Variants in SETX observed in about 807,000 individuals in gnomAD.
SETX encodes senataxin.
Under a neutral mutation model 227.2 loss-of-function variants are expected in SETX, and 90 were observed. That is an observed-to-expected ratio of 0.40 (90% CI 0.33 to 0.47). SETX has a LOEUF of 0.47. SETX is among the 20% of genes least tolerant of loss of function. The probability of loss-of-function intolerance (pLI) is 0.91; values close to 1 mark genes in which losing one functional copy is unlikely to be tolerated. For missense variants in SETX, 3,052 were observed against 3,181.5 expected (o/e 0.96, Z 0.98); for synonymous variants, 1,210 against 1,113.2 (o/e 1.09, Z -1.73).
intron 22 of SETX, among the ~76,000 whole-genome samples, chr9:132,276,618 TAC>T (rs1176760976): frequency 1.3e-5 from 2 of 152,250 alleles, no homozygotes; most frequent in Admixed American, 1.3e-4. Context: ...TGCTGTCATA[TAC>T]AGACCACCTG....
chr9:132,347,198 G>A (rs1004082939), intron 3 of SETX, among the ~76,000 whole-genome samples: 28 of 151,938 alleles, frequency 1.8e-4, no homozygotes, highest in Non-Finnish European at 4.0e-4. Flanking sequence ...GTTGCAGTGA[G>A]CCAAGATCAC....
chr9:132,307,383 A>G (rs1409070780), intron 11 of SETX, among the ~76,000 whole-genome samples: 1 of 151,988 alleles, frequency 6.6e-6, no homozygotes, highest in African/African-American at 2.4e-5. Context: ...TTTTACTTAC[A>G]ATCTTTATGT....
rs761877146 is a variant in SETX at position 132,329,908 on chromosome 9, A to C, written c.1690T>G (p.Leu564Val). The change falls in exon 10 of 26, where the codon TTA becomes GTA. Residue 564 changes from leucine (L) to valine (V), a missense_variant. By Grantham distance (32) the Leu-to-Val change is conservative. Coordinates refer to ENST00000224140, the MANE Select transcript of SETX (RefSeq NM_015046.7). Reference protein sequence around the residue: ...LCKRFWDKLNLFLRGNLSLGW... With the variant: ...LCKRFWDKLNVFLRGNLSLGW... ...AGAGATAAATTTCCTCTAAGGAATA[A>C]GTTGAGCTTATCCCAGAATCGCTTG... 1.7e-5 allele frequency: 27 copies of C among 1,614,066 alleles called. No individual in the cohort carries two copies. In the East Asian group the frequency reaches 3.3e-4, roughly 20 times the overall value.
At chr9:132,286,296 A>G in intron 18 of SETX, 127 bp downstream of exon 18, 2 of 700,536 alleles carry the variant, frequency 2.9e-6, no homozygotes, top group East Asian at 2.7e-5. Context: ...CCCCAGCCTG[A>G]GAGACAGAGT....
At position 132,329,843 on chromosome 9, in the gene SETX, T is replaced by C; in HGVS notation, c.1755A>G (p.Gln585=). The C allele has an allele frequency of 6.2e-7, 1 of 1,614,180 alleles. No homozygotes were observed. The highest frequency in any genetic ancestry group is 8.5e-7 in the Non-Finnish European group (1 of 1,180,024). The change falls in exon 10 of 26, where the codon CAA becomes CAG. Residue 585 remains glutamine (Q), a synonymous_variant. Coordinates refer to ENST00000224140, the MANE Select transcript of SETX (RefSeq NM_015046.7). ...QLTSQETHEL[Q]SCLKQIIRNI... is the part of the protein sequence containing the mutation. Reference sequence around the variant, plus strand: ...TTCTAATAATTTGCTTTAAGCAACTTTGTAGCTCATGGGTTTCCTGACTAG... The same window carrying C: ...TTCTAATAATTTGCTTTAAGCAACTCTGTAGCTCATGGGTTTCCTGACTAG...
upstream of SETX, among the ~76,000 whole-genome samples, chr9:132,356,497 C>T (rs986770389): frequency 2.0e-5 from 3 of 152,192 alleles, no homozygotes; most frequent in Non-Finnish European, 4.4e-5. Flanking sequence ...CCACCGCACC[C>T]GGCCCCTACC....
At chr9:132,325,932 T>TAA (rs1305318477) in intron 10 of SETX, among the ~76,000 whole-genome samples, 9 of 73,984 alleles carry the variant, frequency 1.2e-4, no homozygotes, top group Admixed American at 3.0e-4. Context: ...AAACTCCACC[T>TAA]AAAAAAAAAA....
At chr9:132,289,956 C>CATTG (rs1336689078) in intron 15 of SETX, among the ~76,000 whole-genome samples, 2 of 152,118 alleles carry the variant, frequency 1.3e-5, no homozygotes, top group African/African-American at 4.8e-5. Context: ...CGCCTATAAT[C>CATTG]CCAGCACTTT....
chr9:132,349,134 A>G, intron 3 of SETX, 118 bp downstream of exon 3: 1 of 1,071,496 alleles, frequency 9.3e-7, no homozygotes, highest in Admixed American at 2.3e-5. Flanking sequence ...AACAAAAAAA[A>G]AAACCCACAA....
chr9:132,342,634 T>A, intron 5 of SETX, 56 bp downstream of exon 5: 1 of 1,168,504 alleles, frequency 8.6e-7, no homozygotes. Context: ...CTATTATAGC[T>A]ATCTATAGGT....
chr9:132,300,073 T>G lies in SETX; in HGVS notation c.5548+557A>C, dbSNP rs373610794. 2.3e-5 allele frequency among the ~76,000 whole-genome samples: 3 copies of G among 129,540 alleles called. No homozygotes were observed. In the South Asian group the frequency reaches 6.9e-4, roughly 30 times the overall value. 85.0% of individuals were successfully genotyped at this position (129,540 alleles called of 152,430 possible). A position where few individuals can be genotyped will look rare whatever the true frequency, so the allele number is the denominator to read the frequency against. Reference sequence around the variant, plus strand: ...TGAACCCAAGAGGCGGAGAGTGCAGTGAGCCGATACAGCACCACTGCACTC... The same window carrying G: ...TGAACCCAAGAGGCGGAGAGTGCAGGGAGCCGATACAGCACCACTGCACTC... On this transcript the variant is annotated intron_variant, in intron 12 of 25. Transcript: ENST00000224140.
rs944848571 is a variant in SETX, at chr9:132,342,663, C to G, written c.498+27G>C. On this transcript the variant is annotated intron_variant, in intron 5 of 25. Transcript: ENST00000224140. ...TATAGGTACAAAAGCACAATATACCCTTCTATCGCCCAACACTCACACTCA... is the reference window on the plus strand; with the variant it reads ...TATAGGTACAAAAGCACAATATACCGTTCTATCGCCCAACACTCACACTCA... 3 of 1,443,958 alleles carry G rather than the reference C, an allele frequency of 2.1e-6. No individual in the cohort carries two copies. The African/African-American group carries it at 4.2e-5, about 20-fold the overall frequency. 89.4% of individuals were successfully genotyped at this position (1,443,958 alleles called of 1,614,324 possible).
intron 5 of SETX, among the ~76,000 whole-genome samples, chr9:132,339,179 C>G (rs1013718059): frequency 6.6e-6 from 1 of 152,106 alleles, no homozygotes; most frequent in Admixed American, 6.6e-5. Flanking sequence ...TCAATGCTTT[C>G]GTTTCTATAA....
chr9:132,308,916 A>T (rs1169908257), intron 11 of SETX, among the ~76,000 whole-genome samples: 1 of 152,168 alleles, frequency 6.6e-6, no homozygotes, highest in Non-Finnish European at 1.5e-5. Flanking sequence ...AGACGGGCAG[A>T]TAACTTGAGG....
rs1393556655 is a variant in SETX, at chr9:132,264,202, A to G, written c.*37T>C. ...ACGAGCTGGTCATCTTCAGTTTACA[A>G]TATGCTGTGGCTGCTGGCCCATGTC... On this transcript the variant is annotated 3_prime_UTR_variant, in exon 26 of 26. Transcript: ENST00000224140. 6.2e-7 allele frequency: 1 copy of G among 1,612,972 alleles called. No homozygotes were observed. Among genetic ancestry groups the G allele is most frequent in the Non-Finnish European group, 8.5e-7 (1 of 1,180,006 alleles).
intron 17 of SETX, among the ~76,000 whole-genome samples, chr9:132,286,963 G>A (rs1260468464): frequency 1.3e-5 from 2 of 152,232 alleles, no homozygotes; most frequent in African/African-American, 4.8e-5. Context: ...TCAAAGCTGA[G>A]ATGGTGGAAG....
rs1846868279 is a variant in SETX at position 132,327,284 on chromosome 9, A to C, written c.4314T>G (p.Pro1438=). 1.2e-6 allele frequency: 2 copies of C among 1,614,200 alleles called. No individual in the cohort carries two copies. Residue 1438 remains proline (P), a synonymous_variant, in exon 10 of 26, where the codon CCT becomes CCG. Transcript: ENST00000224140. Reference sequence around the variant, plus strand: ...ACACTACAGAATCACACTGGTTCAAAGGGCAAGCATCATCAGTTGCTGGAG... The same window carrying C: ...ACACTACAGAATCACACTGGTTCAACGGGCAAGCATCATCAGTTGCTGGAG... ...HGSPATDDAC[P]LNQCDSVVLN... is the part of the protein sequence containing the mutation.
rs112041608 is a variant in SETX at position 132,305,470 on chromosome 9, A to C, written c.5375-4667T>G. Among the ~76,000 whole-genome samples the C allele has an allele frequency of 9.2e-3, 1,397 of 152,284 alleles. 31 individuals carry two copies. The highest frequency in any genetic ancestry group is 0.032 in the African/African-American group (1,318 of 41,558). On this transcript the variant is annotated intron_variant, in intron 11 of 25. Transcript: ENST00000224140. ...GATATTTACTCATTACAAATGAAAA[A>C]ATAGTAACTTCACAGTGGAAACATG...
chr9:132,321,649 T>TCC (rs1193000122), intron 10 of SETX, among the ~76,000 whole-genome samples: 1 of 83,274 alleles, frequency 1.2e-5, no homozygotes, highest in African/African-American at 4.5e-5. Context: ...AGAGCGATAC[T>TCC]GTCTCAAAAA....
Sources: allele counts gnomAD v4.1 joint callset (sites outside exome capture counted in the v4.1 genomes callset), GRCh38; gene constraint gnomAD v4.1.1; transcripts MANE v1.5; gene names NCBI Gene and HGNC (gene_info 2026-07-23, HGNC 2026-07-21).